The following EPHA3 variants were observed in gnomAD, a reference collection of about 807,000 sequenced individuals.
EPHA3 encodes the protein EPH receptor A3.
Under a neutral mutation model 107.1 loss-of-function variants are expected in EPHA3, and 42 were observed. That is an observed-to-expected ratio of 0.39 (90% confidence interval 0.31 to 0.51). The LOEUF (loss-of-function observed/expected upper bound fraction) is 0.51, where lower values mean the gene tolerates loss of function less well. Ranked by LOEUF, EPHA3 falls within the 20% of genes least tolerant of loss-of-function variation. The pLI, the probability that EPHA3 is intolerant of heterozygous loss-of-function variation, is 0.78. For synonymous variants in EPHA3, 461 were observed against 424.8 expected, an observed-to-expected ratio of 1.09 and a Z score of -1.05; for missense variants, 1,183 against 1,211.2, an observed-to-expected ratio of 0.98 and a Z score of 0.35.
At chr3:89,316,477 A>ATATG (rs1706901821) in intron 3 of EPHA3, among the ~76,000 whole-genome samples, 3 of 130,766 alleles carry the variant, frequency 2.3e-5, no homozygotes, top group South Asian at 2.5e-4. Context: ...CTGTATATAT[A>ATATG]TGTGTGTGTG....
At chr3:89,140,386 A>G (rs1704406174) in intron 2 of EPHA3, among the ~76,000 whole-genome samples, 1 of 151,816 alleles carries the variant, frequency 6.6e-6, no homozygotes, top group African/African-American at 2.4e-5. Flanking sequence ...AATTCTCAAG[A>G]TTTAAAATAT....
At chr3:89,265,594 C>T (rs1471794035) in intron 3 of EPHA3, among the ~76,000 whole-genome samples, 1 of 151,908 alleles carries the variant, frequency 6.6e-6, no homozygotes, top group Non-Finnish European at 1.5e-5. Flanking sequence ...TTTAACAATG[C>T]CTTCTTTCAA....
intron 9 of EPHA3, among the ~76,000 whole-genome samples, chr3:89,411,592 G>A (rs1190154236): frequency 2.0e-5 from 3 of 151,672 alleles, no homozygotes; most frequent in Admixed American, 1.3e-4. Context: ...TCACACTTAC[G>A]TTTTTTTACT....
In EPHA3 at chr3:89,395,837, C is replaced by A; in HGVS notation, c.1307C>A (p.Ala436Asp). The part of the protein sequence containing the change: ...AAVSITTNQA[A>D]PSPVLTIKKD... ...TTCCCCTCCCATCCTCTCTTTACAG[C>A]TCCATCACCTGTCCTGACGATTAAG... The change falls in exon 6 of 17, where the codon GCT (alanine) becomes GAT (aspartate). Residue 436 changes from alanine to aspartate, a missense_variant and splice_region_variant. Physicochemically the swap from Ala to Asp is moderately radical, Grantham distance 126. Coordinates refer to ENST00000336596, the MANE Select transcript of EPHA3 (RefSeq NM_005233.6). The A allele has an allele frequency of 6.2e-7, 1 of 1,613,638 alleles. No individual in the cohort carries two copies. The highest frequency in any genetic ancestry group is 8.5e-7 in the Non-Finnish European group (1 of 1,179,730).
chr3:89,241,723 G>C (rs372393501), intron 3 of EPHA3, among the ~76,000 whole-genome samples: 1 of 152,150 alleles, frequency 6.6e-6, no homozygotes, highest in Admixed American at 6.5e-5. Flanking sequence ...GATTTTAAGA[G>C]AATGCAACGT....
intron 3 of EPHA3, among the ~76,000 whole-genome samples, chr3:89,274,894 G>A (rs1422801325): frequency 6.6e-6 from 1 of 151,976 alleles, no homozygotes; most frequent in African/African-American, 2.4e-5. Context: ...CATCTTTCCT[G>A]TCCATATGTA....
intron 3 of EPHA3, among the ~76,000 whole-genome samples, chr3:89,302,671 C>A (rs1706519496): frequency 6.6e-6 from 1 of 152,068 alleles, no homozygotes; most frequent in African/African-American, 2.4e-5. Flanking sequence ...TTTAAAAAAT[C>A]TTCAAAATGT....
intron 3 of EPHA3, among the ~76,000 whole-genome samples, chr3:89,256,129 T>C (rs1197358754): frequency 2.0e-5 from 3 of 151,890 alleles, no homozygotes; most frequent in African/African-American, 7.3e-5. Context: ...AGCGTACCTG[T>C]AGTCCCAGCT....
At chr3:89,398,062 T>C (rs1432923094) in intron 6 of EPHA3, among the ~76,000 whole-genome samples, 1 of 152,224 alleles carries the variant, frequency 6.6e-6, no homozygotes, top group Non-Finnish European at 1.5e-5. Context: ...ATAGTATGCT[T>C]GGTAATATTT....
chr3:89,228,380 T>C (rs1704548553), intron 3 of EPHA3, among the ~76,000 whole-genome samples: 1 of 151,968 alleles, frequency 6.6e-6, no homozygotes, highest in Non-Finnish European at 1.5e-5. Flanking sequence ...ATTAATTTCC[T>C]GGTATTCACA....
intron 3 of EPHA3, among the ~76,000 whole-genome samples, chr3:89,319,937 C>CATT (rs1707004400): frequency 6.6e-6 from 1 of 151,638 alleles, no homozygotes; most frequent in Admixed American, 6.6e-5. Context: ...TTATATAATG[C>CATT]TATATACAAT....
chr3:89,122,391 G>C (rs1707411483), intron 1 of EPHA3, among the ~76,000 whole-genome samples: 1 of 152,170 alleles, frequency 6.6e-6, no homozygotes, highest in African/African-American at 2.4e-5. Context: ...ATTATTATAT[G>C]AGTTTGAAAT....
intron 15 of EPHA3, among the ~76,000 whole-genome samples, chr3:89,471,038 A>G (rs937440638): frequency 6.6e-6 from 1 of 152,172 alleles, no homozygotes; most frequent in Non-Finnish European, 1.5e-5. Context: ...ATCCAAAACT[A>G]AAGGCTTTTA....
intron 2 of EPHA3, among the ~76,000 whole-genome samples, chr3:89,188,711 A>AT (rs1705634839): frequency 6.6e-6 from 1 of 152,134 alleles, no homozygotes; most frequent in Non-Finnish European, 1.5e-5. Context: ...CTTTCACCAA[A>AT]CCTGCTCCTT....
chr3:89,312,155 A>T (rs1309133630), intron 3 of EPHA3, among the ~76,000 whole-genome samples: 3 of 152,068 alleles, frequency 2.0e-5, no homozygotes, highest in Non-Finnish European at 2.9e-5. Context: ...ACTTTTGGTC[A>T]CATATATTTA....
In EPHA3 at chr3:89,168,778, A is replaced by C. The variant is rs139225223; in HGVS notation, c.154-41082A>C. ...TTGAGTTCCTATTGCTAGGAAACAA[A>C]ACCTTCCCTTTACATATGTTAGTAT... On this transcript the variant is annotated intron_variant, in intron 2 of 16. Coordinates refer to ENST00000336596, the MANE Select transcript of EPHA3 (RefSeq NM_005233.6). 5.8e-3 allele frequency among the ~76,000 whole-genome samples: 878 copies of C among 152,230 alleles called. 6 individuals are homozygous for C. Among genetic ancestry groups the C allele is most frequent in the African/African-American group, 0.02 (823 of 41,566 alleles).
At chr3:89,431,650 T>C (rs987670080) in intron 13 of EPHA3, among the ~76,000 whole-genome samples, 2 of 152,146 alleles carry the variant, frequency 1.3e-5, no homozygotes, top group Non-Finnish European at 2.9e-5. Context: ...TGTACCCATC[T>C]TTTCACCATG....
chr3:89,332,029 T>C (rs2107399521), intron 3 of EPHA3, among the ~76,000 whole-genome samples: 1 of 152,300 alleles, frequency 6.6e-6, no homozygotes, highest in African/African-American at 2.4e-5. Flanking sequence ...ATTTTGACAT[T>C]CACCTTAATA....
At chr3:89,286,556 G>A (rs960343668) in intron 3 of EPHA3, among the ~76,000 whole-genome samples, 1 of 152,118 alleles carries the variant, frequency 6.6e-6, no homozygotes, top group African/African-American at 2.4e-5. Flanking sequence ...TACTGAGTAT[G>A]TTTTGAAAGT....
Sources: gnomAD v4.1 joint callset for allele counts (sites outside exome capture counted in the v4.1 genomes callset) on GRCh38, gnomAD v4.1.1 for gene constraint, MANE v1.5 for transcripts, NCBI Gene and HGNC (gene_info 2026-07-23, HGNC 2026-07-21) for gene names.